FHIT: variants seen among roughly 807,000 people sequenced by gnomAD.
FHIT encodes the protein bis(5'-adenosyl)-triphosphatase.
A neutral mutation model predicts 17.9 loss-of-function variants in FHIT; 19 were observed. The observed-to-expected ratio is 1.06, with a 90% CI of 0.74 to 1.56. FHIT has a LOEUF of 1.56. FHIT is among the 40% of genes most tolerant of loss of function. FHIT has a pLI of 0.00. For missense variants in FHIT, 248 were observed against 189.2 expected (o/e 1.31, Z -1.82); for synonymous variants, 81 against 69.7 (o/e 1.16, Z -0.81).
intron 4 of FHIT, among the ~76,000 whole-genome samples, chr3:60,755,432 C>T (rs2042553326): frequency 6.6e-6 from 1 of 152,170 alleles, no homozygotes; most frequent in South Asian, 2.1e-4. Flanking sequence ...TGGATAATAT[C>T]TCAACTTCAA....
chr3:60,311,513 C>G (rs1215994843), intron 5 of FHIT, among the ~76,000 whole-genome samples: 1 of 152,146 alleles, frequency 6.6e-6, no homozygotes, highest in Non-Finnish European at 1.5e-5. Flanking sequence ...CACAAGACTG[C>G]TTAATATTCT....
chr3:61,216,584 G>C (rs188537231), intron 1 of FHIT, among the ~76,000 whole-genome samples: 1 of 152,188 alleles, frequency 6.6e-6, no homozygotes, highest in Non-Finnish European at 1.5e-5. Context: ...AAGTCAGTGT[G>C]GCGATTCCTC....
chr3:60,248,342 T>C (rs549907795), intron 5 of FHIT, among the ~76,000 whole-genome samples: 43 of 152,196 alleles, frequency 2.8e-4, no homozygotes, highest in African/African-American at 1.0e-3. Context: ...ATTTAAGAGA[T>C]CAACTGGGGA....
intron 5 of FHIT, among the ~76,000 whole-genome samples, chr3:60,492,072 T>C (rs1029491248): frequency 1.3e-5 from 2 of 152,198 alleles, no homozygotes; most frequent in African/African-American, 4.8e-5. Context: ...ATAAATATTC[T>C]TGAAAATTAA....
intron 5 of FHIT, among the ~76,000 whole-genome samples, chr3:60,426,523 C>G (rs556911152): frequency 9.5e-4 from 145 of 152,222 alleles, no homozygotes; most frequent in African/African-American, 3.4e-3. Context: ...TCTACATATG[C>G]ATCTATTTAT....
At chr3:60,984,983 G>A (rs191055855) in intron 3 of FHIT, among the ~76,000 whole-genome samples, 5 of 152,232 alleles carry the variant, frequency 3.3e-5, no homozygotes, top group African/African-American at 1.2e-4. Flanking sequence ...GCAGAGATTA[G>A]TACTAAGGGG....
At chr3:60,176,704 C>T (rs532624218) in intron 5 of FHIT, among the ~76,000 whole-genome samples, 2 of 152,168 alleles carry the variant, frequency 1.3e-5, no homozygotes, top group Non-Finnish European at 2.9e-5. Flanking sequence ...TTCCTAGGAG[C>T]TTTCCATCTT....
At chr3:61,046,885 C>T (rs2033815174) in intron 2 of FHIT, among the ~76,000 whole-genome samples, 1 of 152,138 alleles carries the variant, frequency 6.6e-6, no homozygotes, top group African/African-American at 2.4e-5. Context: ...GAACCAAAGA[C>T]AAAAACCACA....
At chr3:61,176,544 G>A (rs935550933) in intron 2 of FHIT, among the ~76,000 whole-genome samples, 2 of 152,076 alleles carry the variant, frequency 1.3e-5, no homozygotes, top group African/African-American at 4.8e-5. Flanking sequence ...CATTTTTAAA[G>A]CTTTATACTT....
At chr3:60,189,507 C>CCA (rs972764891) in intron 5 of FHIT, among the ~76,000 whole-genome samples, 4 of 152,306 alleles carry the variant, frequency 2.6e-5, no homozygotes, top group African/African-American at 9.6e-5. Flanking sequence ...CGCCCTACCC[C>CCA]CATTCTTCCT....
intron 5 of FHIT, among the ~76,000 whole-genome samples, chr3:60,340,129 C>G: frequency 6.6e-6 from 1 of 151,966 alleles, no homozygotes. Flanking sequence ...GCAATTAAGG[C>G]AATAAAGGAC....
intron 5 of FHIT, among the ~76,000 whole-genome samples, chr3:60,309,433 TA>T (rs1272800046): frequency 6.6e-6 from 1 of 151,720 alleles, no homozygotes; most frequent in Non-Finnish European, 1.5e-5. Flanking sequence ...CTTTGAACAC[TA>T]AAAAAAATAC....
At chr3:59,919,327 G>A (rs1224308001) in intron 8 of FHIT, among the ~76,000 whole-genome samples, 1 of 152,102 alleles carries the variant, frequency 6.6e-6, no homozygotes, top group African/African-American at 2.4e-5. Flanking sequence ...ACTTTGACCC[G>A]TTATTATGGA....
chr3:61,189,067 T>C (rs1576178153), intron 2 of FHIT, among the ~76,000 whole-genome samples: 3 of 152,224 alleles, frequency 2.0e-5, no homozygotes, highest in Admixed American at 2.0e-4. Flanking sequence ...AACACAGTGT[T>C]GGAATTTCTG....
chr3:60,940,534 C>G (rs1553774233), intron 3 of FHIT, among the ~76,000 whole-genome samples: 1 of 151,940 alleles, frequency 6.6e-6, no homozygotes, highest in Non-Finnish European at 1.5e-5. Flanking sequence ...CTTTCCGAAT[C>G]CAATATACAA....
intron 5 of FHIT, among the ~76,000 whole-genome samples, chr3:60,195,183 A>T (rs753966683): frequency 3.3e-5 from 5 of 151,792 alleles, no homozygotes; most frequent in African/African-American, 9.7e-5. Flanking sequence ...ACAAAAACAA[A>T]CAACCAAAAA....
Position 60,197,933 on chromosome 3 carries a change from C to G in FHIT, c.104-183781G>C, listed in dbSNP as rs144982716. On this transcript the variant is annotated intron_variant, in intron 5 of 9. Coordinates refer to ENST00000492590, the MANE Select transcript of FHIT (RefSeq NM_002012.4). Reference sequence around the variant, plus strand: ...CCACATTGTTGGAGGAAGATTCTTACTGCAGGCCCTGGCATTCCCCATTGA... The same window carrying G: ...CCACATTGTTGGAGGAAGATTCTTAGTGCAGGCCCTGGCATTCCCCATTGA... Among the ~76,000 whole-genome samples the G allele has an allele frequency of 2.7e-3, 404 of 152,276 alleles. 2 individuals carry two copies. Among genetic ancestry groups the G allele is most frequent in the African/African-American group, 9.0e-3 (375 of 41,556 alleles).
chr3:60,055,321 T>A (rs951251252), intron 5 of FHIT, among the ~76,000 whole-genome samples: 1 of 151,606 alleles, frequency 6.6e-6, no homozygotes, highest in South Asian at 2.1e-4. Flanking sequence ...ACCACACACA[T>A]AAAAATGCCT....
At position 60,368,195 on chromosome 3, in the gene FHIT, T is replaced by TA. The variant is rs763718560; in HGVS notation, c.103+168664dup. On this transcript the variant is annotated intron_variant, in intron 5 of 9. Transcript: ENST00000492590. ...TGTAAAATCATAAAACATATCTTTT[T>TA]AAAAAAAAAAAAAAAAAGAAACTGA... is the stretch of plus-strand genomic sequence containing the variant. Among the ~76,000 whole-genome samples, 142 of 140,812 alleles carry TA rather than the reference T, an allele frequency of 1.0e-3. 1 individual carries two copies. Among genetic ancestry groups the TA allele is most frequent in the Middle Eastern group, 3.9e-3 (1 of 258 alleles). 92.4% of individuals were successfully genotyped at this position (140,812 alleles called of 152,430 possible). A position where few individuals can be genotyped will look rare whatever the true frequency, so the allele number is the denominator to read the frequency against.
Sources: gnomAD v4.1 joint callset for allele counts (sites outside exome capture counted in the v4.1 genomes callset) on GRCh38, gnomAD v4.1.1 for gene constraint, MANE v1.5 for transcripts, NCBI Gene and HGNC (gene_info 2026-07-23, HGNC 2026-07-21) for gene names.